NT5DC4: variants seen among roughly 807,000 people sequenced by gnomAD.
NT5DC4 encodes the protein 5'-nucleotidase domain containing 4.
Under a neutral mutation model 26.6 loss-of-function variants are expected in NT5DC4, and 44 were observed. The observed-to-expected ratio is 1.65, with a 90% confidence interval of 1.30 to 2.13. The LOEUF is 2.13. Ranked by LOEUF, NT5DC4 falls within the 30% of genes most tolerant of loss-of-function variation. The pLI is 0.00. For synonymous variants in NT5DC4, 157 were observed against 86.7 expected, an observed-to-expected ratio of 1.81 and a Z score of -4.51; for missense variants, 399 against 228.1, an observed-to-expected ratio of 1.75 and a Z score of -4.83.
intron 16 of NT5DC4, among the ~76,000 whole-genome samples, chr2:112,732,038 G>A (rs933551607): frequency 2.7e-5 from 4 of 150,592 alleles, no homozygotes; most frequent in African/African-American, 9.8e-5. Flanking sequence ...CAACCTCCGA[G>A]TAGTTGGGAT....
chr2:112,731,201 T>C (rs1257674409), intron 16 of NT5DC4: 1 of 151,540 alleles, frequency 6.6e-6, no homozygotes, highest in African/African-American at 2.4e-5. Flanking sequence ...AACACAAGTA[T>C]GGAAAAAGGA....
chr2:112,730,305 T>C (rs1401087927), intron 16 of NT5DC4, among the ~76,000 whole-genome samples: 2 of 81,836 alleles, frequency 2.4e-5, no homozygotes, highest in Non-Finnish European at 4.4e-5. Context: ...AGGGAAAGAC[T>C]GTCTCAAAAA....
chr2:112,722,464 G>A lies in NT5DC4; in HGVS notation c.363-19G>A. 2.8e-6 allele frequency: 2 copies of A among 717,116 alleles called. No individual in the cohort carries two copies. Among genetic ancestry groups the A allele is most frequent in the South Asian group, 3.0e-5 (2 of 67,592 alleles). The allele number at this position is 717,116 out of a possible 1,614,324, so 44.4% of individuals were successfully genotyped here. On this transcript the variant is annotated intron_variant, in intron 4 of 16. Coordinates refer to ENST00000688554, the MANE Select transcript of NT5DC4 (RefSeq NM_001393655.1). Reference sequence around the variant, plus strand: ...AGGCCTCCAGGAGGCACTGGGGAGGGGTCATTGGCTGCACCCAGCCTACCC... The same window carrying A: ...AGGCCTCCAGGAGGCACTGGGGAGGAGTCATTGGCTGCACCCAGCCTACCC...
chr2:112,719,926 C>T (rs55742996), upstream of NT5DC4, among the ~76,000 whole-genome samples: 344 of 16,852 alleles, frequency 0.02, no homozygotes, highest in African/African-American at 0.043. Flanking sequence ...CTTTCTTTCT[C>T]TTTCTTTCTT....
chr2:112,724,327 G>A (rs1388336438), intron 10 of NT5DC4: 11 of 613,424 alleles, frequency 1.8e-5, no homozygotes, highest in Non-Finnish European at 2.4e-5. Context: ...CCTGGGAGGA[G>A]CCTTTGGGGG....
intron 15 of NT5DC4, among the ~76,000 whole-genome samples, chr2:112,727,697 G>T (rs1050143045): frequency 6.6e-6 from 1 of 152,178 alleles, no homozygotes; most frequent in African/African-American, 2.4e-5. Flanking sequence ...AATGTCCCCC[G>T]GTGAGAGGCC....
At chr2:112,734,286 T>C (rs1014505266) in intron 16 of NT5DC4, among the ~76,000 whole-genome samples, 2 of 151,990 alleles carry the variant, frequency 1.3e-5, no homozygotes, top group Non-Finnish European at 2.9e-5. Flanking sequence ...TTGGTTCATA[T>C]AACTAAAAAG....
At chr2:112,719,817 TTTCC>T (rs1676650197), upstream of NT5DC4, among the ~76,000 whole-genome samples, 1 of 149,106 alleles carries the variant, frequency 6.7e-6, no homozygotes, top group South Asian at 2.2e-4. Context: ...CTTCATTTCC[TTTCC>T]TTTCCCTTCC....
chr2:112,741,770 T>G (rs976219773), downstream of NT5DC4, among the ~76,000 whole-genome samples: 1 of 151,836 alleles, frequency 6.6e-6, no homozygotes, highest in Non-Finnish European at 1.5e-5. Context: ...AATCTACTCT[T>G]TTTTTTTGAG....
chr2:112,727,970 G>A lies in NT5DC4; in HGVS notation c.1266+1232G>A, dbSNP rs75385559. Among the ~76,000 whole-genome samples, 650 of 152,334 alleles carry A rather than the reference G, an allele frequency of 4.3e-3. 2 individuals carry two copies. Among genetic ancestry groups the A allele is most frequent in the African/African-American group, 0.015 (620 of 41,568 alleles). ...GAGCTCAGCTCTCTCGGGCGGCCCC[G>A]GAGTTGGTGGGTCCCTGCGGAATCT... On this transcript the variant is annotated intron_variant, in intron 15 of 16. Transcript: ENST00000688554.
At chr2:112,729,531 C>T in intron 15 of NT5DC4, 96 bp from the exon 16 acceptor site, 2 of 685,396 alleles carry the variant, frequency 2.9e-6, no homozygotes, top group Non-Finnish European at 5.5e-6. Flanking sequence ...AGGAAGTTGG[C>T]AGCTGTGGGC....
intron 16 of NT5DC4, among the ~76,000 whole-genome samples, chr2:112,735,295 C>T (rs1368930950): frequency 1.3e-5 from 2 of 152,054 alleles, no homozygotes; most frequent in African/African-American, 4.8e-5. Context: ...CCACCCGCCT[C>T]GACTTCCCAA....
chr2:112,730,992 A>C (rs957588361), intron 16 of NT5DC4: 3 of 152,114 alleles, frequency 2.0e-5, no homozygotes, highest in Non-Finnish European at 4.4e-5. Context: ...AGCCTAGGGC[A>C]TTTTGACACA....
At chr2:112,740,944 T>C (rs1292722419), downstream of NT5DC4, 18 of 1,614,084 alleles carry the variant, frequency 1.1e-5, no homozygotes, top group Non-Finnish European at 1.4e-5. Context: ...AGATTCCATC[T>C]TCTTGGCCAG....
chr2:112,722,105 T>C lies in NT5DC4; in HGVS notation c.266+2T>C. 1 of 717,006 alleles carries C rather than the reference T, an allele frequency of 1.4e-6. No individual in the cohort carries two copies. Among genetic ancestry groups the C allele is most frequent in the Non-Finnish European group, 2.6e-6 (1 of 385,066 alleles). 44.4% of individuals were successfully genotyped at this position (717,006 alleles called of 1,614,324 possible). Reference sequence around the variant, plus strand: ...CTACGACCCCACCTTCCCCACCAGGTGTGTGGCTCAGGACAGGTGGGAGGC... The same window carrying C: ...CTACGACCCCACCTTCCCCACCAGGCGTGTGGCTCAGGACAGGTGGGAGGC... On this transcript the variant is annotated splice_donor_variant, in intron 3 of 16. Transcript: ENST00000688554. LOFTEE classifies it high-confidence loss of function.
chr2:112,723,011 T>C (rs1457365937), intron 6 of NT5DC4, 70 bp from the exon 7 acceptor site: 1 of 488,544 alleles, frequency 2.0e-6, no homozygotes, highest in African/African-American at 2.5e-5. Flanking sequence ...TGCTCTGGTG[T>C]GGGACTCAGG....
chr2:112,733,400 C>A (rs1055529227), intron 16 of NT5DC4, among the ~76,000 whole-genome samples: 1 of 148,906 alleles, frequency 6.7e-6, no homozygotes, highest in Non-Finnish European at 1.5e-5. Flanking sequence ...GGGCATGTGG[C>A]CATCTGATAC....
chr2:112,722,844 G>C, intron 6 of NT5DC4, 73 bp downstream of exon 6: 2 of 715,206 alleles, frequency 2.8e-6, no homozygotes, highest in Non-Finnish European at 5.2e-6. Flanking sequence ...CCAAAGAGGG[G>C]CCCCCCAAGG....
chr2:112,734,042 T>A (rs765298912), intron 16 of NT5DC4, among the ~76,000 whole-genome samples: 18 of 152,182 alleles, frequency 1.2e-4, no homozygotes, highest in Non-Finnish European at 2.4e-4. Context: ...ATTGCAGGAC[T>A]GACATTTATT....
Sources: gnomAD v4.1 joint callset for allele counts (sites outside exome capture counted in the v4.1 genomes callset) on GRCh38, gnomAD v4.1.1 for gene constraint, MANE v1.5 for transcripts, NCBI Gene and HGNC (gene_info 2026-07-23, HGNC 2026-07-21) for gene names.